The following HIVEP3 variants were observed in gnomAD, a reference collection of about 807,000 sequenced individuals.
HIVEP3 encodes transcription factor HIVEP3.
HIVEP3 carries 49 observed loss-of-function variants against 152.8 expected under a neutral mutation model. That is an observed-to-expected ratio of 0.32 (90% confidence interval 0.26 to 0.41). The LOEUF (loss-of-function observed/expected upper bound fraction) is 0.41, where lower values mean the gene tolerates loss of function less well. Among genes scored for constraint, HIVEP3 ranks in the 10% least tolerant of loss-of-function variants. HIVEP3 has a pLI of 1.00. For missense variants in HIVEP3, 2,790 were observed against 3,103.3 expected (o/e 0.90, Z 2.40); for synonymous variants, 1,269 against 1,289.0 (o/e 0.98, Z 0.33).
At chr1:41,659,481 G>C (rs982772933) in intron 2 of HIVEP3, among the ~76,000 whole-genome samples, 2 of 152,156 alleles carry the variant, frequency 1.3e-5, no homozygotes, top group Non-Finnish European at 2.9e-5. Flanking sequence ...CCCTAGAATG[G>C]TGCCCAGGGC....
At chr1:41,514,859 T>C (rs964838141) in intron 7 of HIVEP3, among the ~76,000 whole-genome samples, 2 of 152,364 alleles carry the variant, frequency 1.3e-5, no homozygotes, top group South Asian at 2.1e-4. Context: ...GACAGAGTTA[T>C]TGAATAGAGT....
intron 1 of HIVEP3, among the ~76,000 whole-genome samples, chr1:41,809,794 G>A (rs1230450904): frequency 6.6e-6 from 1 of 152,186 alleles, no homozygotes; most frequent in Non-Finnish European, 1.5e-5. Context: ...GGGAACAAGT[G>A]AATGGGAGGA....
intron 5 of HIVEP3, among the ~76,000 whole-genome samples, chr1:41,527,115 C>A (rs1352231245): frequency 7.0e-6 from 1 of 143,212 alleles, no homozygotes. Context: ...CCCTCACACA[C>A]CCTCTTCCTC....
At chr1:41,726,225 G>A (rs970384491) in intron 1 of HIVEP3, among the ~76,000 whole-genome samples, 2 of 151,934 alleles carry the variant, frequency 1.3e-5, no homozygotes, top group Admixed American at 6.6e-5. Context: ...GGTGTCTCCC[G>A]GGTAAATCAA....
intron 3 of HIVEP3, among the ~76,000 whole-genome samples, chr1:41,591,430 A>G (rs1644585245): frequency 1.3e-5 from 2 of 152,152 alleles, no homozygotes; most frequent in African/African-American, 4.8e-5. Context: ...CAGTGGGGAT[A>G]AGAACACAGG....
At chr1:41,765,524 T>A (rs1252264915) in intron 1 of HIVEP3, among the ~76,000 whole-genome samples, 1 of 152,202 alleles carries the variant, frequency 6.6e-6, no homozygotes, top group Non-Finnish European at 1.5e-5. Context: ...TCCTTAAGAA[T>A]AGGATGGTTC....
chr1:41,648,254 G>A (rs1339451201), intron 2 of HIVEP3, among the ~76,000 whole-genome samples: 2 of 152,172 alleles, frequency 1.3e-5, no homozygotes, highest in African/African-American at 4.8e-5. Flanking sequence ...TTTCATCCTA[G>A]TCCGACAAAG....
At chr1:41,876,763 G>A (rs1644177017) in intron 1 of HIVEP3, among the ~76,000 whole-genome samples, 2 of 152,154 alleles carry the variant, frequency 1.3e-5, no homozygotes, top group South Asian at 4.1e-4. Flanking sequence ...TTTTTGAATA[G>A]CTAAACACTA....
chr1:41,857,297 A>C (rs1480389100), intron 1 of HIVEP3, among the ~76,000 whole-genome samples: 1 of 152,174 alleles, frequency 6.6e-6, no homozygotes, highest in Admixed American at 6.5e-5. Flanking sequence ...TGCTTAGAAG[A>C]CAAGAGTTAT....
chr1:41,635,607 TATACATACATATACATAC>T (rs55905796), intron 2 of HIVEP3, among the ~76,000 whole-genome samples: 1 of 44,410 alleles, frequency 2.3e-5, no homozygotes, highest in Non-Finnish European at 4.3e-5. Context: ...CGTATGTATA[TATACATACATATACATAC>T]GTATGTATAT....
intron 1 of HIVEP3, among the ~76,000 whole-genome samples, chr1:41,870,925 G>A (rs1051421098): frequency 6.6e-6 from 1 of 152,208 alleles, no homozygotes; most frequent in East Asian, 1.9e-4. Flanking sequence ...TCTGTAAATT[G>A]AGAATAAGAA....
At chr1:41,545,751 GCCACCACCACCACTACCATCACCA>G (rs1282107148) in intron 5 of HIVEP3, among the ~76,000 whole-genome samples, 56 of 39,978 alleles carry the variant, frequency 1.4e-3, no homozygotes, top group Non-Finnish European at 1.3e-3. Flanking sequence ...CATCACCACT[GCCACCACCACCACTACCATCACCA>G]CCACCACCAC....
intron 1 of HIVEP3, among the ~76,000 whole-genome samples, chr1:41,736,924 C>CACT (rs1646927469): frequency 6.6e-6 from 1 of 152,138 alleles, no homozygotes; most frequent in South Asian, 2.1e-4. Context: ...TTGGCCAGGG[C>CACT]ACTATAGTCA....
intron 3 of HIVEP3, among the ~76,000 whole-genome samples, chr1:41,618,699 G>A (rs1645004070): frequency 6.6e-6 from 1 of 152,196 alleles, no homozygotes. Flanking sequence ...TCAAGGATGA[G>A]TTTCCCAAGA....
intron 1 of HIVEP3, among the ~76,000 whole-genome samples, chr1:41,866,185 G>A (rs560781513): frequency 2.5e-4 from 38 of 152,354 alleles, no homozygotes; most frequent in African/African-American, 9.1e-4. Context: ...GCTGCCTTGG[G>A]ACTGAGAGAT....
chr1:41,797,815 C>T (rs1283367454), intron 1 of HIVEP3, among the ~76,000 whole-genome samples: 2 of 151,948 alleles, frequency 1.3e-5, no homozygotes, highest in African/African-American at 2.4e-5. Flanking sequence ...GGTGAAACCC[C>T]GTCTCTACTA....
At chr1:41,675,459 A>C (rs1645939931) in intron 2 of HIVEP3, among the ~76,000 whole-genome samples, 1 of 152,178 alleles carries the variant, frequency 6.6e-6, no homozygotes. Context: ...GGCCCTGTGC[A>C]CATTCCCCAG....
At chr1:41,953,783 G>A (rs1645123658) in intron 1 of HIVEP3, among the ~76,000 whole-genome samples, 1 of 152,128 alleles carries the variant, frequency 6.6e-6, no homozygotes, top group African/African-American at 2.4e-5. Context: ...TGCAAGAGAG[G>A]GAGAAGGAGA....
chr1:42,007,166 C>T (rs1201958040), intron 1 of HIVEP3, among the ~76,000 whole-genome samples: 2 of 152,192 alleles, frequency 1.3e-5, no homozygotes, highest in Non-Finnish European at 2.9e-5. Context: ...TGCTTACCCC[C>T]ATCTCCACCA....
Sources: allele counts gnomAD v4.1 joint callset (sites outside exome capture counted in the v4.1 genomes callset), GRCh38; gene constraint gnomAD v4.1.1; transcripts MANE v1.5; gene names NCBI Gene and HGNC (gene_info 2026-07-23, HGNC 2026-07-21).